Variants in CAD observed in about 807,000 individuals in gnomAD.
CAD encodes the protein carbamoyl-phosphate synthetase 2, aspartate transcarbamylase, and dihydroorotase, also known as multifunctional protein CAD.
CAD carries 81 observed loss-of-function variants against 237.2 expected under a neutral mutation model. The observed-to-expected ratio is 0.34, with a 90% CI of 0.29 to 0.41. The LOEUF (loss-of-function observed/expected upper bound fraction) is 0.41, where lower values mean the gene tolerates loss of function less well. Among genes scored for constraint, CAD ranks in the 10% least tolerant of loss-of-function variants. The pLI is 1.00. For missense variants in CAD, 2,181 were observed against 2,951.7 expected (o/e 0.74, Z 6.05); for synonymous variants, 1,196 against 1,162.8 (o/e 1.03, Z -0.58).
At chr2:27,225,302 T>TA (rs1675381446) in intron 11 of CAD, 59 bp downstream of exon 11, 367 of 910,110 alleles carry the variant, frequency 4.0e-4, no homozygotes, top group Non-Finnish European at 5.4e-4. Context: ...AGTGTTATTT[T>TA]CTTTTTTTTT....
At chr2:27,223,239 T>C (rs1675266092) in intron 6 of CAD, among the ~76,000 whole-genome samples, 2 of 152,170 alleles carry the variant, frequency 1.3e-5, no homozygotes, top group Admixed American at 6.5e-5. Context: ...GAGACCAGCC[T>C]GGCCAACATG....
chr2:27,243,069 TA>T (rs1251877811), intron 42 of CAD, 96 bp downstream of exon 42: 1 of 1,341,576 alleles, frequency 7.5e-7, no homozygotes, highest in Non-Finnish European at 1.1e-6. Flanking sequence ...TCAGAGCTGT[TA>T]AACTTCACAT....
intron 16 of CAD, 36 bp downstream of exon 16, chr2:27,231,616 A>G (rs1412954868): frequency 7.8e-7 from 1 of 1,276,130 alleles, no homozygotes; most frequent in East Asian, 2.3e-5. Flanking sequence ...TACCCCTAAA[A>G]TAGACCCTGC....
chr2:27,225,349 C>G (rs1380935234), intron 11 of CAD, 106 bp downstream of exon 11: 3 of 678,176 alleles, frequency 4.4e-6, no homozygotes, highest in Non-Finnish European at 7.2e-6. Context: ...TCTTGTTGCG[C>G]AGGCTGGAGT....
intron 2 of CAD, 106 bp downstream of exon 2, chr2:27,218,122 A>C (rs760721891): frequency 3.1e-6 from 3 of 972,378 alleles, no homozygotes; most frequent in Admixed American, 5.8e-5. Flanking sequence ...TGCAGAAAAC[A>C]TACCCACTGA....
In CAD at chr2:27,239,462, C is replaced by G; in HGVS notation, c.5385C>G (p.Ile1795Met). ...RVVLRGEVAY[I>M]DGQVLVPPGY... The stretch of plus-strand genomic sequence containing the variant: ...TCCTGCGAGGGGAGGTTGCCTATAT[C>G]GATGGGCAGGTACGCAAGTAGCCCC... The change falls in exon 33 of 44, where the codon ATC (isoleucine) becomes ATG (methionine). Residue 1795 changes from isoleucine (I) to methionine (M), a missense_variant. Coordinates refer to ENST00000264705, the MANE Select transcript of CAD (RefSeq NM_004341.5). The surrounding 1 kb of genome is among the most constrained non-coding windows in gnomAD (Gnocchi z 4.0). 6.2e-7 allele frequency: 1 copy of G among 1,613,602 alleles called. No homozygotes were observed.
Position 27,239,604 on chromosome 2 carries a change from C to T in CAD, c.5395-93C>T. ...TGGACCAGGGGTTGGGGGCACAGCT[C>T]CCCCAAGGTGCTTTTTGTCCTTGCT... On this transcript the variant is annotated intron_variant, in intron 33 of 43. Transcript: ENST00000264705. The surrounding 1 kb of genome is among the most constrained non-coding windows in gnomAD (Gnocchi z 4.0). 6.7e-7 allele frequency: 1 copy of T among 1,482,638 alleles called. No homozygotes were observed. Among genetic ancestry groups the T allele is most frequent in the Non-Finnish European group, 9.3e-7 (1 of 1,079,482 alleles). 91.8% of individuals were successfully genotyped at this position (1,482,638 alleles called of 1,614,324 possible).
rs112125485 is a variant in CAD at position 27,235,575 on chromosome 2, A to G, written c.4009A>G (p.Ser1337Gly). The stretch of plus-strand genomic sequence containing the variant: ...GCTCCCAACTGTGCGGCTACTGGAG[A>G]GCCTGGGCTACAGCCTCTATGCCAG... ...ELLPTVRLLE[S>G]LGYSLYASLG... The change falls in exon 25 of 44, where the codon AGC becomes GGC. Residue 1337 changes from serine to glycine, a missense_variant. By Grantham distance (56) the Ser-to-Gly change is moderately conservative. This residue lies in a region of CAD where 306 missense variants were observed against 607.9 expected (regional missense o/e 0.50). Transcript: ENST00000264705. This position sits in a 1 kb window ranked among gnomAD's most constrained non-coding sequence, Gnocchi z 5.2. 6.2e-7 allele frequency: 1 copy of G among 1,614,170 alleles called. No homozygotes were observed. Among genetic ancestry groups the G allele is most frequent in the Non-Finnish European group, 8.5e-7 (1 of 1,180,028 alleles).
chr2:27,242,960 A>G lies in CAD; in HGVS notation c.6467A>G (p.Gln2156Arg), dbSNP rs764045680. 1.3e-5 allele frequency: 21 copies of G among 1,600,790 alleles called. No individual in the cohort carries two copies. The highest frequency in any genetic ancestry group is 8.4e-5 in the Admixed American group (5 of 59,624). ...RIQKERFGST[Q>R]EYEACFGQFI... ...CAGAAGGAACGATTTGGCTCTACCC[A>G]GGAGTACGAAGCTGTGAGTGCTGGG... is the stretch of plus-strand genomic sequence containing the variant. Residue 2156 changes from glutamine (Q) to arginine (R), a missense_variant, in exon 42 of 44, where the codon CAG becomes CGG. By Grantham distance (43) the Gln-to-Arg change is conservative. Around this residue, in one of 12 missense-constraint regions of CAD, gnomAD observed 170 missense variants for 212.1 expected, o/e 0.80. Transcript: ENST00000264705. The surrounding 1 kb of genome is among the most constrained non-coding windows in gnomAD (Gnocchi z 6.4).
Position 27,233,995 on chromosome 2 carries a change from G to C in CAD, c.3400-13G>C. The C allele has an allele frequency of 6.2e-7, 1 of 1,611,736 alleles. No homozygotes were observed. The highest frequency in any genetic ancestry group is 2.2e-5 in the East Asian group (1 of 44,840). On this transcript the variant is annotated splice_polypyrimidine_tract_variant and intron_variant, in intron 21 of 43. Transcript: ENST00000264705. The surrounding 1 kb of genome is among the most constrained non-coding windows in gnomAD (Gnocchi z 6.3). ...AGTGGCCCTATGTCCCACTGTCTGT[G>C]TCCCCCCGCTAGGAGATTGACGTGG...
rs745834808 is a variant in CAD, at chr2:27,233,473, T to C, written c.3153T>C (p.Phe1051=). 6.2e-7 allele frequency: 1 copy of C among 1,614,126 alleles called. No homozygotes were observed. Reference sequence around the variant, plus strand: ...ACTCGGCTGAGAACCGTTTCAAGTTTTCCCGGCTCCTTGACACCATTGGTA... The same window carrying C: ...ACTCGGCTGAGAACCGTTTCAAGTTCTCCCGGCTCCTTGACACCATTGGTA... ...AIDSAENRFK[F]SRLLDTIGIS... is the part of the protein sequence containing the mutation. Residue 1051 remains phenylalanine, a synonymous_variant, in exon 20 of 44, where the codon TTT becomes TTC. Transcript: ENST00000264705. The surrounding 1 kb of genome is among the most constrained non-coding windows in gnomAD (Gnocchi z 6.3).
chr2:27,230,111 G>A (rs1305107530), intron 15 of CAD, among the ~76,000 whole-genome samples: 1 of 150,984 alleles, frequency 6.6e-6, no homozygotes, highest in African/African-American at 2.4e-5. Context: ...GGTGGCAGGT[G>A]CCTGTAATCC....
rs202059808 is a variant in CAD, at chr2:27,242,830, G to C, written c.6379-42G>C. On this transcript the variant is annotated intron_variant, in intron 41 of 43. Transcript: ENST00000264705. This position sits in a 1 kb window ranked among gnomAD's most constrained non-coding sequence, Gnocchi z 6.4. Reference sequence around the variant, plus strand: ...CATGGAGATGTGGGTTGGGCAGTCAGAGCCCAGCGCTGCATCCACCATGGC... The same window carrying C: ...CATGGAGATGTGGGTTGGGCAGTCACAGCCCAGCGCTGCATCCACCATGGC... 6.2e-6 allele frequency: 10 copies of C among 1,613,712 alleles called. No homozygotes were observed. The East Asian group carries it at 2.2e-4, about 36-fold the overall frequency.
At position 27,232,306 on chromosome 2, in the gene CAD, A is replaced by G. The variant is rs544191270; in HGVS notation, c.2645+82A>G. 5.7e-5 allele frequency: 91 copies of G among 1,588,972 alleles called. No homozygotes were observed. In the African/African-American group the frequency reaches 9.9e-4, roughly 17 times the overall value. ...CAGTGAGGGACCCTTGGGAGGGAGGAAGGAGAGTGTGGGAGAGCTTTAGAG... is the reference window on the plus strand; with the variant it reads ...CAGTGAGGGACCCTTGGGAGGGAGGGAGGAGAGTGTGGGAGAGCTTTAGAG... On this transcript the variant is annotated intron_variant, in intron 17 of 43. Coordinates refer to ENST00000264705, the MANE Select transcript of CAD (RefSeq NM_004341.5). The surrounding 1 kb of genome is among the most constrained non-coding windows in gnomAD (Gnocchi z 4.1).
rs372268512 is a variant in CAD at position 27,235,708 on chromosome 2, G to C, written c.4074+68G>C. 2 of 1,344,900 alleles carry C rather than the reference G, an allele frequency of 1.5e-6. No individual in the cohort carries two copies. The highest frequency in any genetic ancestry group is 3.6e-5 in the Admixed American group (2 of 56,094). 83.3% of individuals were successfully genotyped at this position (1,344,900 alleles called of 1,614,324 possible). A position where few individuals can be genotyped will look rare whatever the true frequency, so the allele number is the denominator to read the frequency against. On this transcript the variant is annotated intron_variant, in intron 25 of 43. Transcript: ENST00000264705. The surrounding 1 kb of genome is among the most constrained non-coding windows in gnomAD (Gnocchi z 5.2). ...AAGGGGGTGAAAATACTGCACCAAAGAATTATCTGGGCTGGGCACGGTGGC... is the reference window on the plus strand; with the variant it reads ...AAGGGGGTGAAAATACTGCACCAAACAATTATCTGGGCTGGGCACGGTGGC...
intron 6 of CAD, 136 bp from the exon 7 acceptor site, chr2:27,223,427 T>C: frequency 1.4e-6 from 1 of 729,434 alleles, no homozygotes; most frequent in South Asian, 1.9e-5. Flanking sequence ...GGAGACTCCG[T>C]CTCAAAAAAA....
chr2:27,243,521 C>A lies in CAD; in HGVS notation c.*3C>A. 1.8e-5 allele frequency: 29 copies of A among 1,581,040 alleles called. No individual in the cohort carries two copies. Among genetic ancestry groups the A allele is most frequent in the Non-Finnish European group, 2.5e-5 (29 of 1,163,682 alleles). ...CCACCGTGCTGGGCCGTTTCTAGGGCCTGGCTTCCTCAGCCTCTTCTCTTT... is the reference window on the plus strand; with the variant it reads ...CCACCGTGCTGGGCCGTTTCTAGGGACTGGCTTCCTCAGCCTCTTCTCTTT... On this transcript the variant is annotated 3_prime_UTR_variant, in exon 44 of 44. Coordinates refer to ENST00000264705, the MANE Select transcript of CAD (RefSeq NM_004341.5).
In CAD at chr2:27,226,269, A is replaced by G. The variant is rs747551742; in HGVS notation, c.1981A>G (p.Ile661Val). 6.2e-6 allele frequency: 10 copies of G among 1,614,136 alleles called. No homozygotes were observed. Among genetic ancestry groups the G allele is most frequent in the South Asian group, 1.1e-5 (1 of 91,080 alleles). Residue 661 changes from isoleucine (I) to valine (V), a missense_variant, in exon 13 of 44, where the codon ATT (isoleucine) becomes GTT (valine). This residue lies in a region of CAD where 385 missense variants were observed against 535.1 expected (regional missense o/e 0.72). Transcript: ENST00000264705. ...TATCAAGGTGACCCAGCACCTGGGA[A>G]TTGTTGGGGAGTGCAATGTGCAGTA... ...TAIKVTQHLG[I>V]VGECNVQYAL...
intron 15 of CAD, among the ~76,000 whole-genome samples, chr2:27,228,202 G>C (rs1038263477): frequency 6.6e-6 from 1 of 152,182 alleles, no homozygotes; most frequent in Admixed American, 6.5e-5. Context: ...TACAGAAGAA[G>C]AAATCAATAA....
Sources: allele counts gnomAD v4.1 joint callset (sites outside exome capture counted in the v4.1 genomes callset), GRCh38; gene constraint gnomAD v4.1.1; regional missense constraint gnomAD v4.1.1; non-coding constraint Gnocchi (gnomAD v3.1); transcripts MANE v1.5; gene names NCBI Gene and HGNC (gene_info 2026-07-23, HGNC 2026-07-21).